PLEKHH2: variants seen among roughly 807,000 people sequenced by gnomAD.
PLEKHH2 encodes the protein pleckstrin homology, MyTH4 and FERM domain containing H2, also known as pleckstrin homology domain-containing family H member 2.
Under a neutral mutation model 187.9 loss-of-function variants are expected in PLEKHH2, and 129 were observed. The observed-to-expected ratio is 0.69, with a 90% CI of 0.59 to 0.79. The LOEUF is 0.79. Ranked by LOEUF, PLEKHH2 falls within the 30% of genes least tolerant of loss-of-function variation. PLEKHH2 has a pLI of 0.00. For missense variants in PLEKHH2, 2,076 were observed against 1,751.2 expected (o/e 1.19, Z -3.31); for synonymous variants, 686 against 605.6 (o/e 1.13, Z -1.95).
chr2:43,700,486 G>A lies in PLEKHH2; in HGVS notation c.1528G>A (p.Gly510Arg), dbSNP rs777467781. The A allele has an allele frequency of 1.7e-5, 28 of 1,614,056 alleles. No homozygotes were observed. The highest frequency in any genetic ancestry group is 2.4e-5 in the Non-Finnish European group (28 of 1,180,024). ...GAATATGGACACGAGTTGTGATGAT[G>A]GATTATTTTCCTATGACTCCTTGGA... ...LENMDTSCDD[G>R]LFSYDSLDSP... The change falls in exon 8 of 30, where the codon GGA becomes AGA. Residue 510 changes from glycine (G) to arginine (R), a missense_variant. Physicochemically the swap from Gly to Arg is moderately radical, Grantham distance 125. Coordinates refer to ENST00000282406, the MANE Select transcript of PLEKHH2 (RefSeq NM_172069.4).
intron 17 of PLEKHH2, among the ~76,000 whole-genome samples, chr2:43,727,952 T>A (rs371167635): frequency 6.6e-6 from 1 of 152,170 alleles, no homozygotes; most frequent in Non-Finnish European, 1.5e-5. Flanking sequence ...TCATCTGTAA[T>A]CAAAGATGCG....
intron 19 of PLEKHH2, among the ~76,000 whole-genome samples, chr2:43,733,691 C>A (rs74581442): frequency 6.6e-6 from 1 of 152,110 alleles, no homozygotes. Context: ...GTATGATATA[C>A]ATTAAAATAC....
chr2:43,763,227 C>G (rs1188544507), intron 28 of PLEKHH2, among the ~76,000 whole-genome samples: 1 of 152,102 alleles, frequency 6.6e-6, no homozygotes, highest in Non-Finnish European at 1.5e-5. Flanking sequence ...TACACCAGTA[C>G]TAAGTTACCT....
chr2:43,686,545 A>G (rs756088547), intron 3 of PLEKHH2, among the ~76,000 whole-genome samples: 4 of 152,178 alleles, frequency 2.6e-5, no homozygotes, highest in Non-Finnish European at 5.9e-5. Flanking sequence ...AGTCATTCTA[A>G]TATCCATGAC....
intron 15 of PLEKHH2, 130 bp downstream of exon 15, chr2:43,712,513 T>G (rs988361857): frequency 3.6e-6 from 4 of 1,104,188 alleles, no homozygotes; most frequent in Non-Finnish European, 4.9e-6. Flanking sequence ...GAAAGGGTGT[T>G]TTTAAGTATG....
intron 3 of PLEKHH2, chr2:43,679,597 G>A (rs2104428697): frequency 3.4e-6 from 1 of 291,728 alleles, no homozygotes; most frequent in African/African-American, 2.4e-5. Context: ...CCGGGTTCAA[G>A]TGATTCTCCT....
At chr2:43,736,113 A>G (rs1480886264) in intron 19 of PLEKHH2, among the ~76,000 whole-genome samples, 1 of 152,188 alleles carries the variant, frequency 6.6e-6, no homozygotes, top group Non-Finnish European at 1.5e-5. Flanking sequence ...TTATTAGGCA[A>G]TAAATGAAAA....
At chr2:43,736,663 G>C (rs778768370) in intron 19 of PLEKHH2, among the ~76,000 whole-genome samples, 1 of 152,052 alleles carries the variant, frequency 6.6e-6, no homozygotes, top group Non-Finnish European at 1.5e-5. Flanking sequence ...GGGAAACCCT[G>C]TCTCTACTAA....
At chr2:43,703,863 T>A in intron 8 of PLEKHH2, 118 bp from the exon 9 acceptor site, 1 of 666,388 alleles carries the variant, frequency 1.5e-6, no homozygotes, top group Admixed American at 2.8e-5. Context: ...AATGCTGTAC[T>A]CTAGTGAATC....
intron 13 of PLEKHH2, 73 bp downstream of exon 13, chr2:43,710,403 C>T: frequency 6.3e-7 from 1 of 1,582,560 alleles, no homozygotes; most frequent in Non-Finnish European, 8.6e-7. Flanking sequence ...TGATTTCCTT[C>T]CCATAATGCA....
chr2:43,761,222 T>C (rs1672416251), intron 27 of PLEKHH2, among the ~76,000 whole-genome samples: 1 of 152,186 alleles, frequency 6.6e-6, no homozygotes, highest in Non-Finnish European at 1.5e-5. Context: ...CTTGACATTG[T>C]TTTGTAAAAT....
At chr2:43,756,990 C>A in intron 25 of PLEKHH2, 129 bp from the exon 26 acceptor site, 2 of 599,834 alleles carry the variant, frequency 3.3e-6, no homozygotes, top group Non-Finnish European at 2.6e-6. Flanking sequence ...AGTTCATAAT[C>A]ACATAATCAT....
Position 43,765,450 on chromosome 2 carries a change from A to G in PLEKHH2, c.4334A>G (p.Asn1445Ser), listed in dbSNP as rs1304133427. 3 of 1,614,128 alleles carry G rather than the reference A, an allele frequency of 1.9e-6. No homozygotes were observed. The highest frequency in any genetic ancestry group is 2.5e-6 in the Non-Finnish European group (3 of 1,180,000). The stretch of plus-strand genomic sequence containing the variant: ...ACTCTTTTGATCGCCAGTTACATAA[A>G]CAACTTCCATCAGCAAAAGGCAGCA... ...EITLLIASYI[N>S]NFHQQKAAFH... Residue 1445 changes from asparagine (N) to serine (S), a missense_variant, in exon 30 of 30, where the codon AAC (asparagine) becomes AGC (serine). Coordinates refer to ENST00000282406, the MANE Select transcript of PLEKHH2 (RefSeq NM_172069.4).
At chr2:43,753,968 G>C (rs1211461038) in intron 25 of PLEKHH2, among the ~76,000 whole-genome samples, 1 of 152,100 alleles carries the variant, frequency 6.6e-6, no homozygotes, top group Non-Finnish European at 1.5e-5. Flanking sequence ...ATTCCATAAA[G>C]AGAACCCAGT....
intron 3 of PLEKHH2, among the ~76,000 whole-genome samples, chr2:43,683,238 C>A (rs1485326821): frequency 6.6e-6 from 1 of 150,936 alleles, no homozygotes; most frequent in African/African-American, 2.4e-5. Flanking sequence ...CTCCGCCTCC[C>A]ACGTTCAAGC....
intron 11 of PLEKHH2, among the ~76,000 whole-genome samples, chr2:43,708,197 T>G (rs1202085184): frequency 2.0e-5 from 3 of 152,232 alleles, no homozygotes; most frequent in Admixed American, 1.3e-4. Context: ...ACTGGTCTTC[T>G]TGCTCTCAAC....
chr2:43,677,267 A>G (rs1403687610), intron 2 of PLEKHH2, among the ~76,000 whole-genome samples: 4 of 151,596 alleles, frequency 2.6e-5, no homozygotes, highest in Non-Finnish European at 5.9e-5. Context: ...GCAGGGTCAT[A>G]GGACAATAGT....
chr2:43,702,590 T>C (rs926379962), intron 8 of PLEKHH2, among the ~76,000 whole-genome samples: 1 of 147,144 alleles, frequency 6.8e-6, no homozygotes, highest in African/African-American at 2.5e-5. Context: ...TATTCGGTCC[T>C]GAAAAAGTAG....
intron 20 of PLEKHH2, among the ~76,000 whole-genome samples, chr2:43,740,649 A>G (rs1482293680): frequency 6.6e-6 from 1 of 152,196 alleles, no homozygotes; most frequent in African/African-American, 2.4e-5. Context: ...AGTGAAAAAA[A>G]AGAAACAATG....
Sources: gnomAD v4.1 joint callset for allele counts (sites outside exome capture counted in the v4.1 genomes callset) on GRCh38, gnomAD v4.1.1 for gene constraint, MANE v1.5 for transcripts, NCBI Gene and HGNC (gene_info 2026-07-23, HGNC 2026-07-21) for gene names.